LMF1: variants seen among roughly 807,000 people sequenced by gnomAD.
LMF1 encodes lipase maturation factor 1, also known as transmembrane protein 112.
A neutral mutation model predicts 60.6 loss-of-function variants in LMF1; 68 were observed. The observed-to-expected ratio is 1.12, with a 90% CI of 0.92 to 1.37. The LOEUF is 1.37. Ranked by LOEUF, LMF1 falls within the 40% of genes most tolerant of loss-of-function variation. The probability of loss-of-function intolerance (pLI) is 0.00; values close to 1 mark genes in which losing one functional copy is unlikely to be tolerated. For missense variants in LMF1, 948 were observed against 767.2 expected, an observed-to-expected ratio of 1.24 and a Z score of -2.78; for synonymous variants, 418 against 324.7, an observed-to-expected ratio of 1.29 and a Z score of -3.09.
chr16:965,225 T>C (rs973221883), intron 1 of LMF1, among the ~76,000 whole-genome samples: 1 of 152,228 alleles, frequency 6.6e-6, no homozygotes, highest in Non-Finnish European at 1.5e-5. Context: ...TTCTTCTCCA[T>C]TCAGCTTCAT....
intron 4 of LMF1, among the ~76,000 whole-genome samples, chr16:908,497 C>T (rs2071024866): frequency 1.3e-5 from 2 of 152,186 alleles, no homozygotes; most frequent in African/African-American, 4.8e-5. Context: ...GCCCCGAGCA[C>T]ACCCGACCAG....
chr16:980,214 G>A (rs1308780467), intron 1 of LMF1: 1 of 180,182 alleles, frequency 5.5e-6, no homozygotes, highest in Non-Finnish European at 1.2e-5. Context: ...CAAAGGCCCT[G>A]GCCCCCTCAG....
At chr16:964,266 A>G (rs1040855678) in intron 1 of LMF1, 1 of 186,870 alleles carries the variant, frequency 5.4e-6, no homozygotes, top group African/African-American at 2.4e-5. Flanking sequence ...ACTGCACTGC[A>G]GCCTGGGCGA....
At position 854,605 on chromosome 16, in the gene LMF1, A is replaced by C; in HGVS notation, c.1631T>G (p.Phe544Cys). The C allele has an allele frequency of 6.2e-7, 1 of 1,606,842 alleles. No homozygotes were observed. The change falls in exon 11 of 11, where the codon TTC (phenylalanine) becomes TGC (cysteine). Residue 544 changes from phenylalanine (F) to cysteine (C), a missense_variant. Phe to Cys is a radical substitution (Grantham distance 205, BLOSUM62 -2). Transcript: ENST00000262301. ...CAGCTCCTCCAGGCTGAGCGGAGGG[A>C]AGTAGGCTCCGATCCTCTTCCGCAC... ...WWVRKRIGAY[F>C]PPLSLEELRP...
At chr16:979,593 T>C (rs1444362973) in intron 1 of LMF1, 4 of 453,230 alleles carry the variant, frequency 8.8e-6, no homozygotes, top group South Asian at 6.2e-5. Flanking sequence ...GGTGCTGGAG[T>C]TCCCCACCTG....
intron 1 of LMF1, among the ~76,000 whole-genome samples, chr16:977,787 C>T (rs895951128): frequency 2.0e-5 from 3 of 151,916 alleles, no homozygotes; most frequent in Non-Finnish European, 4.4e-5. Context: ...CTGGGCAGCC[C>T]TGCTTCCTCC....
At chr16:943,524 G>C (rs1028565961) in intron 2 of LMF1, among the ~76,000 whole-genome samples, 2 of 151,972 alleles carry the variant, frequency 1.3e-5, no homozygotes, top group African/African-American at 4.8e-5. Flanking sequence ...TCAGGAGTTT[G>C]AGACCAGCCT....
At chr16:890,328 A>T (rs1050603689) in intron 5 of LMF1, among the ~76,000 whole-genome samples, 4 of 152,152 alleles carry the variant, frequency 2.6e-5, no homozygotes, top group African/African-American at 9.7e-5. Context: ...GCCCCGTCCC[A>T]ACTCAGCGGG....
chr16:947,586 C>T (rs1437552989), intron 2 of LMF1: 1 of 456,126 alleles, frequency 2.2e-6, no homozygotes, highest in Admixed American at 2.3e-5. Context: ...GCTCCCGCCA[C>T]AGGAAGGAGG....
intron 2 of LMF1, among the ~76,000 whole-genome samples, chr16:936,378 T>G: frequency 9.9e-6 from 1 of 101,466 alleles, no homozygotes. Context: ...AGAGAGGGGG[T>G]ACCCCGTGGG....
chr16:919,980 C>T (rs191402219), intron 3 of LMF1, among the ~76,000 whole-genome samples: 1 of 152,338 alleles, frequency 6.6e-6, no homozygotes, highest in African/African-American at 2.4e-5. Flanking sequence ...CCTTGCTGGA[C>T]AGGACATCCA....
intron 10 of LMF1, among the ~76,000 whole-genome samples, chr16:856,946 G>A (rs752989087): frequency 2.6e-5 from 4 of 152,246 alleles, no homozygotes; most frequent in African/African-American, 4.8e-5. Context: ...CCGGACCCCC[G>A]TGTCCTTCCA....
chr16:868,152 G>A (rs1372059738), intron 10 of LMF1, among the ~76,000 whole-genome samples: 4 of 152,130 alleles, frequency 2.6e-5, no homozygotes, highest in East Asian at 1.9e-4. Context: ...CAGAGTGGCC[G>A]CCCCAGGTCT....
intron 5 of LMF1, chr16:885,154 T>C (rs961935062): frequency 1.3e-5 from 2 of 152,236 alleles, no homozygotes; most frequent in African/African-American, 2.4e-5. Flanking sequence ...ATTTATGAGA[T>C]AGGCATAGTA....
intron 1 of LMF1, chr16:977,149 A>G (rs935139242): frequency 2.2e-6 from 1 of 452,836 alleles, no homozygotes; most frequent in South Asian, 1.6e-5. Flanking sequence ...TGTGAGCGCC[A>G]GGAAGCTTAA....
intron 5 of LMF1, among the ~76,000 whole-genome samples, chr16:889,178 T>C (rs1440537709): frequency 6.6e-6 from 1 of 152,176 alleles, no homozygotes; most frequent in Non-Finnish European, 1.5e-5. Context: ...CACAGGCTTG[T>C]TGTCAGGAGT....
chr16:954,291 A>C, intron 2 of LMF1, 66 bp downstream of exon 2: 1 of 1,465,506 alleles, frequency 6.8e-7, no homozygotes. Flanking sequence ...GTGCCAGGAC[A>C]CCTGCAGTGC....
chr16:853,697 C>G lies in LMF1; in HGVS notation c.*835G>C, dbSNP rs7206528. 18,887 of 454,060 alleles carry G rather than the reference C, an allele frequency of 0.042. 480 individuals are homozygous for G. The highest frequency in any genetic ancestry group is 0.078 in the Middle Eastern group (112 of 1,442). The allele number at this position is 454,060 out of a possible 1,614,324, so 28.1% of individuals were successfully genotyped here. A position where few individuals can be genotyped will look rare whatever the true frequency, so the allele number is the denominator to read the frequency against. On this transcript the variant is annotated 3_prime_UTR_variant, in exon 11 of 11. Coordinates refer to ENST00000262301, the MANE Select transcript of LMF1 (RefSeq NM_022773.4). Reference sequence around the variant, plus strand: ...AGAAGAATATGCCATAGCTATGGCTCAAGAATAGGAATAAGAAAAATGTGC... The same window carrying G: ...AGAAGAATATGCCATAGCTATGGCTGAAGAATAGGAATAAGAAAAATGTGC...
chr16:893,424 C>T (rs527901638), intron 4 of LMF1: 24 of 464,442 alleles, frequency 5.2e-5, no homozygotes, highest in Admixed American at 9.4e-5. Flanking sequence ...ACAGACCCCA[C>T]GGACAGTGTC....
Sources: allele counts gnomAD v4.1 joint callset (sites outside exome capture counted in the v4.1 genomes callset), GRCh38; gene constraint gnomAD v4.1.1; transcripts MANE v1.5; gene names NCBI Gene and HGNC (gene_info 2026-07-23, HGNC 2026-07-21).